CNOT1: variants seen among roughly 807,000 people sequenced by gnomAD.
CNOT1 encodes CCR4-NOT transcription complex subunit 1.
Under a neutral mutation model 273.8 loss-of-function variants are expected in CNOT1, and 15 were observed. That is an observed-to-expected ratio of 0.05 (90% CI 0.04 to 0.08). CNOT1 has a LOEUF of 0.08. Among genes scored for constraint, CNOT1 ranks in the 10% least tolerant of loss-of-function variants. The pLI is 1.00. For synonymous variants in CNOT1, 1,022 were observed against 1,005.5 expected (o/e 1.02, Z -0.31); for missense variants, 1,644 against 2,912.2 (o/e 0.56, Z 10.02).
At chr16:58,538,390 A>T in intron 36 of CNOT1, 124 bp from the exon 37 acceptor site, 1 of 651,844 alleles carries the variant, frequency 1.5e-6, no homozygotes, top group Admixed American at 2.6e-5. Context: ...ATCAGTGTCC[A>T]AATTTAAAAA....
chr16:58,542,078 G>A (rs1485991176), intron 33 of CNOT1, among the ~76,000 whole-genome samples, 153 bp downstream of exon 33: 1 of 152,176 alleles, frequency 6.6e-6, no homozygotes, highest in Non-Finnish European at 1.5e-5. Context: ...CTCCTCCACA[G>A]GCAGCCATTC....
At chr16:58,575,204 G>C (rs1390589330) in intron 14 of CNOT1, 75 bp from the exon 15 acceptor site, 4 of 1,552,490 alleles carry the variant, frequency 2.6e-6, no homozygotes, top group Non-Finnish European at 2.6e-6. Context: ...TCTGTTTTTC[G>C]CTTTCCACAA....
At chr16:58,594,279 A>C (rs1477800115) in intron 2 of CNOT1, among the ~76,000 whole-genome samples, 3 of 152,054 alleles carry the variant, frequency 2.0e-5, no homozygotes, top group Non-Finnish European at 4.4e-5. Flanking sequence ...ACAAAAAAAG[A>C]AAGCCAGACA....
intron 1 of CNOT1, among the ~76,000 whole-genome samples, chr16:58,607,895 G>T (rs902406228): frequency 2.0e-5 from 3 of 152,030 alleles, no homozygotes; most frequent in Non-Finnish European, 4.4e-5. Flanking sequence ...GAAAAGGCCA[G>T]GCGCGGTGAC....
intron 47 of CNOT1, among the ~76,000 whole-genome samples, chr16:58,521,888 T>C (rs979488596): frequency 7.3e-5 from 11 of 150,520 alleles, no homozygotes; most frequent in African/African-American, 2.2e-4. Flanking sequence ...TAGGTGGAGG[T>C]TGTGGTGAGC....
intron 1 of CNOT1, among the ~76,000 whole-genome samples, chr16:58,626,196 T>C (rs2043573413): frequency 1.3e-5 from 2 of 151,234 alleles, no homozygotes; most frequent in South Asian, 4.2e-4. Flanking sequence ...TCACCTGAGG[T>C]CAGGAATTCG....
At chr16:58,548,648 T>C (rs1311354562) in intron 25 of CNOT1, 1 of 517,040 alleles carries the variant, frequency 1.9e-6, no homozygotes, top group Non-Finnish European at 3.9e-6. Context: ...CCTAAGCCAA[T>C]GACCCAAGTT....
chr16:58,574,850 C>T, intron 15 of CNOT1, 90 bp from the exon 16 acceptor site: 5 of 1,561,796 alleles, frequency 3.2e-6, no homozygotes, highest in Non-Finnish European at 4.3e-6. Context: ...TAACTAAAAT[C>T]CAAAATAAGT....
rs12709002 is a variant in CNOT1, at chr16:58,580,433, A to C, written c.1343+200T>G. Among the ~76,000 whole-genome samples, 8,336 of 152,178 alleles carry C rather than the reference A, an allele frequency of 0.055. 284 individuals are homozygous for C. The highest frequency in any genetic ancestry group is 0.092 in the Middle Eastern group (27 of 294). On this transcript the variant is annotated intron_variant, in intron 12 of 48. Coordinates refer to ENST00000317147, the MANE Select transcript of CNOT1 (RefSeq NM_016284.5). ...CTTTTAAAAGAACACCTAAAGACAG[A>C]CCTTACAAGATATAACTAACGATAG...
At chr16:58,620,368 C>T (rs926909821) in intron 1 of CNOT1, among the ~76,000 whole-genome samples, 2 of 152,198 alleles carry the variant, frequency 1.3e-5, no homozygotes, top group Admixed American at 6.6e-5. Flanking sequence ...AGGCTGGGTG[C>T]GGTGGCTCAA....
At chr16:58,560,586 A>G (rs1483753786) in intron 16 of CNOT1, among the ~76,000 whole-genome samples, 4 of 152,098 alleles carry the variant, frequency 2.6e-5, no homozygotes, top group Admixed American at 2.0e-4. Flanking sequence ...CTAATAAAGA[A>G]ACTTTGTTGA....
At chr16:58,585,796 G>A (rs533788450) in intron 7 of CNOT1, among the ~76,000 whole-genome samples, 1 of 152,232 alleles carries the variant, frequency 6.6e-6, no homozygotes, top group East Asian at 1.9e-4. Context: ...TTGCACAATA[G>A]GGCTATCACT....
At chr16:58,558,328 C>T (rs1205728763) in intron 18 of CNOT1, 145 bp downstream of exon 18, 23 of 1,381,452 alleles carry the variant, frequency 1.7e-5, no homozygotes, top group Non-Finnish European at 2.1e-5. Flanking sequence ...TTTTTCTTTT[C>T]CCAACTTTGG....
chr16:58,536,469 C>T (rs1197604834), intron 39 of CNOT1, among the ~76,000 whole-genome samples: 2 of 152,160 alleles, frequency 1.3e-5, no homozygotes, highest in East Asian at 3.9e-4. Context: ...GTGCTTTGTT[C>T]CTAACCCTTT....
intron 40 of CNOT1, chr16:58,532,800 CTG>C (rs1315164673): frequency 1.1e-4 from 18 of 166,384 alleles, no homozygotes; most frequent in Admixed American, 4.6e-4. Context: ...GCCAGGAAAG[CTG>C]TTAGGCTGCA....
At chr16:58,566,686 G>A (rs1400183762) in intron 16 of CNOT1, among the ~76,000 whole-genome samples, 2 of 152,142 alleles carry the variant, frequency 1.3e-5, no homozygotes, top group African/African-American at 2.4e-5. Flanking sequence ...TTATTTTTGA[G>A]ACGGAGTTTC....
intron 8 of CNOT1, among the ~76,000 whole-genome samples, chr16:58,584,282 T>G (rs944930382): frequency 6.6e-6 from 1 of 152,230 alleles, no homozygotes; most frequent in African/African-American, 2.4e-5. Context: ...AAGTGAGTTT[T>G]ATTATTCTGA....
chr16:58,534,494 T>C, intron 39 of CNOT1, 99 bp from the exon 40 acceptor site: 2 of 1,281,222 alleles, frequency 1.6e-6, no homozygotes, highest in Non-Finnish European at 2.1e-6. Flanking sequence ...TCTCATTTGT[T>C]CCTACTGTCA....
At chr16:58,541,241 G>T (rs1037473780) in intron 34 of CNOT1, among the ~76,000 whole-genome samples, 1 of 151,916 alleles carries the variant, frequency 6.6e-6, no homozygotes, top group Non-Finnish European at 1.5e-5. Context: ...ATAAAAAACC[G>T]AAAGTTATTA....
Sources: allele counts gnomAD v4.1 joint callset (sites outside exome capture counted in the v4.1 genomes callset), GRCh38; gene constraint gnomAD v4.1.1; transcripts MANE v1.5; gene names NCBI Gene and HGNC (gene_info 2026-07-23, HGNC 2026-07-21).